Variants in MTDH observed in about 807,000 individuals in gnomAD.
The protein encoded by MTDH is metadherin.
MTDH carries 34 observed loss-of-function variants against 72.7 expected under a neutral mutation model. That is an observed-to-expected ratio of 0.47 (90% CI 0.36 to 0.62). The LOEUF is 0.62. Ranked by LOEUF, MTDH falls within the 20% of genes least tolerant of loss-of-function variation. MTDH has a pLI of 0.00. For synonymous variants in MTDH, 266 were observed against 268.9 expected, an observed-to-expected ratio of 0.99 and a Z score of 0.10; for missense variants, 677 against 699.4, an observed-to-expected ratio of 0.97 and a Z score of 0.36.
intron 10 of MTDH, among the ~76,000 whole-genome samples, chr8:97,719,774 T>G (rs1255858201): frequency 6.6e-6 from 1 of 152,170 alleles, no homozygotes; most frequent in East Asian, 1.9e-4. Flanking sequence ...AGCTTAGACA[T>G]AGAGAAAATA....
chr8:97,719,319 C>T, intron 10 of MTDH, 130 bp downstream of exon 10: 5 of 847,896 alleles, frequency 5.9e-6, no homozygotes, highest in Non-Finnish European at 8.9e-6. Flanking sequence ...ATAGTGAAAC[C>T]CCGTCTCTAC....
chr8:97,657,078 T>TA (rs1219402339), intron 1 of MTDH, among the ~76,000 whole-genome samples: 1 of 152,104 alleles, frequency 6.6e-6, no homozygotes, highest in African/African-American at 2.4e-5. Flanking sequence ...TTTCCCCTGA[T>TA]ATATAGATAT....
At chr8:97,704,407 A>C (rs1012542368) in intron 7 of MTDH, among the ~76,000 whole-genome samples, 4 of 152,180 alleles carry the variant, frequency 2.6e-5, no homozygotes, top group Admixed American at 2.6e-4. Flanking sequence ...TATATTTATT[A>C]TTCCAACCTG....
At chr8:97,693,291 A>C (rs1211147659) in intron 6 of MTDH, among the ~76,000 whole-genome samples, 1 of 151,932 alleles carries the variant, frequency 6.6e-6, no homozygotes, top group Admixed American at 6.6e-5. Context: ...ATCACTGATG[A>C]GATTGAAAAG....
intron 6 of MTDH, 45 bp downstream of exon 6, chr8:97,691,233 C>A (rs1813595201): frequency 7.5e-7 from 1 of 1,335,046 alleles, no homozygotes; most frequent in Non-Finnish European, 1.0e-6. Flanking sequence ...AATTACTAAT[C>A]TTGTACATTT....
At position 97,644,712 on chromosome 8, in the gene MTDH, A is replaced by G. The variant is rs200211841; in HGVS notation, c.206A>G (p.Tyr69Cys). The change falls in exon 1 of 12, where the codon TAC becomes TGC. Residue 69 changes from tyrosine (Y) to cysteine (C), a missense_variant. Tyr to Cys is a radical substitution (Grantham distance 194, BLOSUM62 -2). This residue lies in a region of MTDH where 467 missense variants were observed against 469.1 expected (regional missense o/e 1.00). Transcript: ENST00000336273. ...CTGCTGCTGCTGTTTCTGCTGGGCT[A>G]CGGCTGGGCCGCGGCTTGCGCCGGC... is the stretch of plus-strand genomic sequence containing the variant. ...LGLLLLFLLG[Y>C]GWAAACAGAR... 1.3e-6 allele frequency: 2 copies of G among 1,592,050 alleles called. No individual in the cohort carries two copies. The highest frequency in any genetic ancestry group is 8.5e-7 in the Non-Finnish European group (1 of 1,172,968).
chr8:97,698,146 C>T lies in MTDH; in HGVS notation c.1049-1608C>T, dbSNP rs1050165787. 1.3e-4 allele frequency among the ~76,000 whole-genome samples: 20 copies of T among 152,146 alleles called. 1 individual carries two copies. The highest frequency in any genetic ancestry group is 4.8e-4 in the African/African-American group (20 of 41,440). ...TTTATAAATTAGTAGTAAGGACTCA[C>T]GTGGGAGGACGTGATTGTATGTAAC... On this transcript the variant is annotated intron_variant, in intron 6 of 11. Transcript: ENST00000336273.
chr8:97,708,718 G>C (rs1814488901), intron 8 of MTDH, among the ~76,000 whole-genome samples: 2 of 139,138 alleles, frequency 1.4e-5, no homozygotes, highest in South Asian at 4.6e-4. Flanking sequence ...TCCCTCCTCA[G>C]CCTCCTGAGT....
chr8:97,718,608 C>T (rs549285423), intron 9 of MTDH, among the ~76,000 whole-genome samples: 12 of 150,706 alleles, frequency 8.0e-5, no homozygotes, highest in Non-Finnish European at 1.5e-4. Context: ...GCAACCTTCA[C>T]CTCCCAGGCT....
chr8:97,714,174 ACTTAGAAGTATCCTTTC>A (rs1236941561), intron 9 of MTDH, among the ~76,000 whole-genome samples: 1 of 152,200 alleles, frequency 6.6e-6, no homozygotes, highest in Non-Finnish European at 1.5e-5. Context: ...TGGTTATTTC[ACTTAGAAGTATCCTTTC>A]CTGCTTTTTT....
chr8:97,697,119 C>CAAAAAAAAAAAAAAAAAAAAAAA (rs1176302781), intron 6 of MTDH, among the ~76,000 whole-genome samples: 6 of 63,036 alleles, frequency 9.5e-5, no homozygotes, highest in Non-Finnish European at 1.5e-4. Context: ...CTCTGTCTCA[C>CAAAAAAAAAAAAAAAAAAAAAAA]AAAAAAAAAA....
intron 8 of MTDH, among the ~76,000 whole-genome samples, chr8:97,709,698 CAAAT>C (rs1336711131): frequency 1.3e-5 from 2 of 152,046 alleles, no homozygotes; most frequent in Non-Finnish European, 2.9e-5. Flanking sequence ...TATGTGGATA[CAAAT>C]AAATTTATAG....
intron 9 of MTDH, among the ~76,000 whole-genome samples, 179 bp from the exon 10 acceptor site, chr8:97,718,870 T>C (rs1814987376): frequency 6.6e-6 from 1 of 151,914 alleles, no homozygotes; most frequent in African/African-American, 2.4e-5. Context: ...CTAATTTTTG[T>C]ATTTTTGTAG....
intron 1 of MTDH, among the ~76,000 whole-genome samples, chr8:97,652,015 A>G (rs907774857): frequency 2.6e-5 from 4 of 152,082 alleles, no homozygotes; most frequent in African/African-American, 9.7e-5. Context: ...AGTACCATCA[A>G]TTTTATCTCC....
intron 6 of MTDH, among the ~76,000 whole-genome samples, chr8:97,697,130 A>AAAAAAAAAAAAAAAAAAATATAAT (rs1813874804): frequency 1.1e-5 from 1 of 93,394 alleles, no homozygotes; most frequent in Admixed American, 1.1e-4. Context: ...AAAAAAAAAA[A>AAAAAAAAAAAAAAAAAAATATAAT]TATATATATA....
intron 2 of MTDH, among the ~76,000 whole-genome samples, chr8:97,663,147 TACTC>T (rs1404790861): frequency 1.3e-5 from 2 of 152,102 alleles, no homozygotes; most frequent in African/African-American, 4.8e-5. Flanking sequence ...AATGTATACT[TACTC>T]CTGCTTCTAC....
At chr8:97,658,196 T>C (rs1812051061) in intron 1 of MTDH, among the ~76,000 whole-genome samples, 2 of 91,076 alleles carry the variant, frequency 2.2e-5, no homozygotes, top group African/African-American at 8.6e-5. Flanking sequence ...TCTAAGAGTT[T>C]AGTGGAAAAT....
chr8:97,724,758 A>G lies in MTDH; in HGVS notation c.*88A>G. 1 of 987,740 alleles carries G rather than the reference A, an allele frequency of 1.0e-6. No homozygotes were observed. The highest frequency in any genetic ancestry group is 2.0e-5 in the South Asian group (1 of 50,516). 61.2% of individuals were successfully genotyped at this position (987,740 alleles called of 1,614,324 possible). A position where few individuals can be genotyped will look rare whatever the true frequency, so the allele number is the denominator to read the frequency against. Reference sequence around the variant, plus strand: ...TGCAATAATTTGTGAACATGTACAGAGTTTTATATAAATTTAAACCAATTT... The same window carrying G: ...TGCAATAATTTGTGAACATGTACAGGGTTTTATATAAATTTAAACCAATTT... On this transcript the variant is annotated 3_prime_UTR_variant, in exon 12 of 12. Transcript: ENST00000336273.
chr8:97,670,906 A>G (rs1403408582), intron 2 of MTDH, among the ~76,000 whole-genome samples: 3 of 145,324 alleles, frequency 2.1e-5, no homozygotes, highest in African/African-American at 7.7e-5. Flanking sequence ...ACAGGCGCCC[A>G]CTGCCACGCC....
Sources: gnomAD v4.1 joint callset for allele counts (sites outside exome capture counted in the v4.1 genomes callset) on GRCh38, gnomAD v4.1.1 for gene constraint, gnomAD v4.1.1 regional missense constraint, MANE v1.5 for transcripts, NCBI Gene and HGNC (gene_info 2026-07-23, HGNC 2026-07-21) for gene names.